GDAP2: variants seen among roughly 807,000 people sequenced by gnomAD.
GDAP2 encodes ganglioside-induced differentiation-associated protein 2.
GDAP2 carries 51 observed loss-of-function variants against 67.0 expected under a neutral mutation model. The ratio of observed to expected loss-of-function variants is 0.76; its 90% CI spans 0.61 to 0.96. GDAP2 has a LOEUF of 0.96. Among genes scored for constraint, GDAP2 ranks in the 40% least tolerant of loss-of-function variants. The probability of loss-of-function intolerance (pLI) is 0.00; values close to 1 mark genes in which losing one functional copy is unlikely to be tolerated. For synonymous variants in GDAP2, 203 were observed against 207.3 expected, an observed-to-expected ratio of 0.98 and a Z score of 0.18; for missense variants, 547 against 588.3, an observed-to-expected ratio of 0.93 and a Z score of 0.73.
At chr1:117,897,292 G>C (rs1169818130) in intron 7 of GDAP2, among the ~76,000 whole-genome samples, 1 of 152,228 alleles carries the variant, frequency 6.6e-6, no homozygotes, top group Non-Finnish European at 1.5e-5. Context: ...TAAATAGATT[G>C]TATCTGGCTT....
At chr1:117,895,142 C>T (rs1649224182) in intron 8 of GDAP2, among the ~76,000 whole-genome samples, 1 of 152,056 alleles carries the variant, frequency 6.6e-6, no homozygotes, top group Admixed American at 6.6e-5. Context: ...TTCATGGATA[C>T]AGTTTGAGAT....
rs144854284 is a variant in GDAP2, at chr1:117,894,256, T to C, written c.953+2577A>G. 3.6e-3 allele frequency among the ~76,000 whole-genome samples: 553 copies of C among 152,224 alleles called. 3 individuals carry two copies. Among genetic ancestry groups the C allele is most frequent in the East Asian group, 0.024 (123 of 5,186 alleles). On this transcript the variant is annotated intron_variant, in intron 8 of 13. Transcript: ENST00000369443. ...CTCCTGGGCTCCTCAGCCTCCTGTG[T>C]AGTTGGGAACAGAGGCATGAGCCAC...
chr1:117,913,987 G>C (rs1036218397), intron 3 of GDAP2, among the ~76,000 whole-genome samples: 1 of 152,152 alleles, frequency 6.6e-6, no homozygotes, highest in Non-Finnish European at 1.5e-5. Flanking sequence ...GCCCTTAGCA[G>C]AACTTGACTA....
rs1262491570 is a variant in GDAP2 at position 117,899,071 on chromosome 1, G to A, written c.782C>T (p.Pro261Leu). ...CTAGAACTCACCTTCTGGAGCACCA[G>A]GTTTCTCACTTATTCTAATCTGTCG... ...PERQIRISEK[P>L]GAPEDNQEEE... The change falls in exon 7 of 14, where the codon CCT becomes CTT. Residue 261 changes from proline to leucine, a missense_variant. Coordinates refer to ENST00000369443, the MANE Select transcript of GDAP2 (RefSeq NM_017686.4). The A allele has an allele frequency of 5.0e-6, 8 of 1,613,512 alleles. No individual in the cohort carries two copies. The highest frequency in any genetic ancestry group is 6.8e-6 in the Non-Finnish European group (8 of 1,179,524).
At chr1:117,878,768 TA>T (rs775552871) in intron 12 of GDAP2, among the ~76,000 whole-genome samples, 1 of 152,152 alleles carries the variant, frequency 6.6e-6, no homozygotes, top group South Asian at 2.1e-4. Flanking sequence ...AAAAAAAGGA[TA>T]AAAAATTCTT....
At chr1:117,884,930 C>G (rs1472291962) in intron 10 of GDAP2, among the ~76,000 whole-genome samples, 6 of 152,118 alleles carry the variant, frequency 3.9e-5, no homozygotes, top group African/African-American at 1.4e-4. Flanking sequence ...CTTGCAACCT[C>G]TGCATCCTGG....
Position 117,899,229 on chromosome 1 carries a change from A to G in GDAP2, c.637-13T>C, listed in dbSNP as rs1649365241. On this transcript the variant is annotated splice_polypyrimidine_tract_variant and intron_variant, in intron 6 of 13. Transcript: ENST00000369443. ...TTTGGTAAGTACCCTGTGTCAGAAAAGCAAGACATTCTGTGAAAAATAGAA... is the reference window on the plus strand; with the variant it reads ...TTTGGTAAGTACCCTGTGTCAGAAAGGCAAGACATTCTGTGAAAAATAGAA... 6 of 1,593,762 alleles carry G rather than the reference A, an allele frequency of 3.8e-6. No homozygotes were observed. The highest frequency in any genetic ancestry group is 5.2e-6 in the Non-Finnish European group (6 of 1,161,530).
At chr1:117,895,869 C>A (rs943675415) in intron 8 of GDAP2, among the ~76,000 whole-genome samples, 1 of 152,096 alleles carries the variant, frequency 6.6e-6, no homozygotes, top group African/African-American at 2.4e-5. Flanking sequence ...GACATCATTA[C>A]AATACAGCGT....
chr1:117,917,204 C>T (rs1650078968), intron 3 of GDAP2, among the ~76,000 whole-genome samples: 1 of 152,152 alleles, frequency 6.6e-6, no homozygotes, highest in Non-Finnish European at 1.5e-5. Flanking sequence ...CTTCCAGTCA[C>T]ATGAAAATCT....
chr1:117,892,527 C>G (rs2101132296), intron 8 of GDAP2, among the ~76,000 whole-genome samples: 1 of 152,092 alleles, frequency 6.6e-6, no homozygotes, highest in Non-Finnish European at 1.5e-5. Flanking sequence ...AGAGTACTTT[C>G]TTATTCCAAA....
At chr1:117,874,213 T>C (rs1648382801) in intron 13 of GDAP2, among the ~76,000 whole-genome samples, 1 of 152,202 alleles carries the variant, frequency 6.6e-6, no homozygotes, top group Non-Finnish European at 1.5e-5. Context: ...ATGCTGGAAG[T>C]AGGGCCTAGT....
intron 8 of GDAP2, among the ~76,000 whole-genome samples, chr1:117,896,439 C>G (rs1378060346): frequency 1.3e-5 from 2 of 152,148 alleles, no homozygotes; most frequent in East Asian, 3.9e-4. Flanking sequence ...AAATAAGGCT[C>G]TTTTAAATTT....
chr1:117,928,385 T>C (rs553212766), intron 1 of GDAP2, among the ~76,000 whole-genome samples: 151 of 152,338 alleles, frequency 9.9e-4, no homozygotes, highest in Admixed American at 1.8e-3. Flanking sequence ...GAATCTAAAC[T>C]ATGTAGTTTT....
intron 13 of GDAP2, chr1:117,877,181 A>G (rs1570964491): frequency 1.8e-6 from 1 of 555,784 alleles, no homozygotes; most frequent in South Asian, 7.9e-5. Flanking sequence ...ACATAAGGGG[A>G]AAAAAATTAT....
At chr1:117,890,798 T>C (rs1258496127) in intron 8 of GDAP2, among the ~76,000 whole-genome samples, 1 of 152,142 alleles carries the variant, frequency 6.6e-6, no homozygotes, top group Non-Finnish European at 1.5e-5. Flanking sequence ...CTTATCATGC[T>C]GTATGTAATC....
At chr1:117,911,889 C>A (rs1649868314) in intron 5 of GDAP2, 105 bp downstream of exon 5, 1 of 658,076 alleles carries the variant, frequency 1.5e-6, no homozygotes, top group African/African-American at 1.8e-5. Flanking sequence ...GATTCTCCTG[C>A]CTCAGCCTCC....
At chr1:117,872,956 G>A (rs909162755) in intron 13 of GDAP2, among the ~76,000 whole-genome samples, 1 of 152,114 alleles carries the variant, frequency 6.6e-6, no homozygotes, top group African/African-American at 2.4e-5. Flanking sequence ...GCCCTGAAGA[G>A]ATGAATCTAT....
At position 117,868,629 on chromosome 1, in the gene GDAP2, G is replaced by A. The variant is rs1241232224; in HGVS notation, c.*1940C>T. Reference sequence around the variant, plus strand: ...CCAAGTTCCCCTTTAACAAAGAAAAGTTGGCAGACTTTCATAGCTGCTCCT... The same window carrying A: ...CCAAGTTCCCCTTTAACAAAGAAAAATTGGCAGACTTTCATAGCTGCTCCT... On this transcript the variant is annotated 3_prime_UTR_variant, in exon 14 of 14. Coordinates refer to ENST00000369443, the MANE Select transcript of GDAP2 (RefSeq NM_017686.4). 3.3e-5 allele frequency: 5 copies of A among 152,120 alleles called. No individual in the cohort carries two copies. The highest frequency in any genetic ancestry group is 1.2e-4 in the African/African-American group (5 of 41,430). The allele number at this position is 152,120 out of a possible 1,614,324, so 9.4% of individuals were successfully genotyped here.
intron 8 of GDAP2, among the ~76,000 whole-genome samples, chr1:117,894,403 G>C (rs1649196893): frequency 6.6e-6 from 1 of 152,184 alleles, no homozygotes. Flanking sequence ...TACATTGATA[G>C]TGCAAAAGCA....
Sources: gnomAD v4.1 joint callset for allele counts (sites outside exome capture counted in the v4.1 genomes callset) on GRCh38, gnomAD v4.1.1 for gene constraint, MANE v1.5 for transcripts, NCBI Gene and HGNC (gene_info 2026-07-23, HGNC 2026-07-21) for gene names.